TTLL3: variants seen among roughly 807,000 people sequenced by gnomAD.
The protein encoded by TTLL3 is tubulin tyrosine ligase like 3.
Under a neutral mutation model 75.2 loss-of-function variants are expected in TTLL3, and 63 were observed. That is an observed-to-expected ratio of 0.84 (90% CI 0.68 to 1.03). The LOEUF (loss-of-function observed/expected upper bound fraction) is 1.03, where lower values mean the gene tolerates loss of function less well. Among genes scored for constraint, TTLL3 ranks in the 50% least tolerant of loss-of-function variants. TTLL3 has a pLI of 0.00. For synonymous variants in TTLL3, 393 were observed against 418.5 expected (o/e 0.94, Z 0.74); for missense variants, 997 against 1,069.9 (o/e 0.93, Z 0.95).
intron 2 of TTLL3, among the ~76,000 whole-genome samples, chr3:9,812,315 G>A (rs546834447): frequency 6.6e-6 from 1 of 152,282 alleles, no homozygotes; most frequent in East Asian, 1.9e-4. Flanking sequence ...AGGAGTTCAA[G>A]ACCAGCGTGG....
chr3:9,829,710 GACA>G (rs1455208379), intron 11 of TTLL3, among the ~76,000 whole-genome samples: 1 of 152,194 alleles, frequency 6.6e-6, no homozygotes. Flanking sequence ...CCTGTTCAGT[GACA>G]ACAAGCTATG....
chr3:9,834,604 T>C, intron 12 of TTLL3, 77 bp from the exon 13 acceptor site: 1 of 1,587,658 alleles, frequency 6.3e-7, no homozygotes, highest in African/African-American at 1.3e-5. Flanking sequence ...CCCCCCATCC[T>C]CCACACGTAC....
At chr3:9,817,070 C>T (rs542281810) in intron 5 of TTLL3, among the ~76,000 whole-genome samples, 1 of 152,280 alleles carries the variant, frequency 6.6e-6, no homozygotes, top group South Asian at 2.1e-4. Context: ...ACTTCAGCCT[C>T]CCAGAGTGCT....
chr3:9,812,572 T>C (rs1487652022), intron 2 of TTLL3, among the ~76,000 whole-genome samples: 1 of 151,984 alleles, frequency 6.6e-6, no homozygotes, highest in African/African-American at 2.4e-5. Context: ...TCAAGGAGAC[T>C]GAGGCAAGAG....
Position 9,813,002 on chromosome 3 carries a change from G to C in TTLL3, c.108G>C (p.Arg36=), listed in dbSNP as rs1309499781. ...CGGTGATCCGGTGTCTCTTGCGCCG[G>C]AGGGGCTGGGTGGAGAAGAAGATGG... ...CYPVIRCLLR[R]RGWVEKKMVH... Residue 36 remains arginine (R), a synonymous_variant, in exon 3 of 14, where the codon CGG becomes CGC. Transcript: ENST00000685419. The C allele has an allele frequency of 1.3e-6, 2 of 1,565,696 alleles. No homozygotes were observed. Among genetic ancestry groups the C allele is most frequent in the Non-Finnish European group, 1.7e-6 (2 of 1,154,694 alleles).
At chr3:9,827,578 A>G in intron 10 of TTLL3, 1 of 273,648 alleles carries the variant, frequency 3.7e-6, no homozygotes. Flanking sequence ...AAGTTTTTTA[A>G]TGTAGACATG....
rs1476136125 is a variant in TTLL3, at chr3:9,833,182, T to G, written c.1762T>G (p.Cys588Gly). Residue 588 changes from cysteine (C) to glycine (G), a missense_variant, in exon 12 of 14, where the codon TGT becomes GGT. Transcript: ENST00000685419. Reference sequence around the variant, plus strand: ...CACCATCAAGAAGCCCATGGCGATGTGTCATCGGCGGATGGGGGTCCGCCC... The same window carrying G: ...CACCATCAAGAAGCCCATGGCGATGGGTCATCGGCGGATGGGGGTCCGCCC... Reference protein sequence around the residue: ...GFTIKKPMAMCHRRMGVRPAV... With the variant: ...GFTIKKPMAMGHRRMGVRPAV... 1 of 1,614,074 alleles carries G rather than the reference T, an allele frequency of 6.2e-7. No individual in the cohort carries two copies. The highest frequency in any genetic ancestry group is 8.5e-7 in the Non-Finnish European group (1 of 1,179,964).
At chr3:9,813,678 G>C (rs1419933262) in intron 4 of TTLL3, among the ~76,000 whole-genome samples, 1 of 152,052 alleles carries the variant, frequency 6.6e-6, no homozygotes, top group Non-Finnish European at 1.5e-5. Flanking sequence ...CCAGCTACTC[G>C]GGAGGCTAAG....
chr3:9,835,764 T>G lies in TTLL3; in HGVS notation c.*275T>G. The G allele has an allele frequency of 4.7e-6, 2 of 427,794 alleles. No homozygotes were observed. 26.5% of individuals were successfully genotyped at this position (427,794 alleles called of 1,614,324 possible). On this transcript the variant is annotated 3_prime_UTR_variant, in exon 14 of 14. Coordinates refer to ENST00000685419, the MANE Select transcript of TTLL3 (RefSeq NM_001387446.1). Reference sequence around the variant, plus strand: ...CAAGCCAAGCTAGCAGAATGACACCTACCGGGCATAGGAACGTTAATGCCA... The same window carrying G: ...CAAGCCAAGCTAGCAGAATGACACCGACCGGGCATAGGAACGTTAATGCCA...
Position 9,835,600 on chromosome 3 carries a change from C to T in TTLL3, c.*111C>T, listed in dbSNP as rs1007857616. ...GCATCTCCGATCCAGGGGTGGGGAG[C>T]GTGAGCCTTCACTTTACAGATGAAG... On this transcript the variant is annotated 3_prime_UTR_variant, in exon 14 of 14. Transcript: ENST00000685419. 1.2e-5 allele frequency: 13 copies of T among 1,081,460 alleles called. No homozygotes were observed. Among genetic ancestry groups the T allele is most frequent in the South Asian group, 1.7e-5 (1 of 60,308 alleles). The allele number at this position is 1,081,460 out of a possible 1,614,324, so 67.0% of individuals were successfully genotyped here.
rs555835302 is a variant in TTLL3 at position 9,824,696 on chromosome 3, A to G, written c.855-1104A>G. 7.4e-5 allele frequency among the ~76,000 whole-genome samples: 11 copies of G among 148,792 alleles called. No individual in the cohort carries two copies. In the South Asian group the frequency reaches 2.1e-3, roughly 29 times the overall value. On this transcript the variant is annotated intron_variant, in intron 8 of 13. Transcript: ENST00000685419. Reference sequence around the variant, plus strand: ...AGTGCTGGGATTACAAGCGTGAGCCACTATGCCCGTCCCAGTTTACTTTTT... The same window carrying G: ...AGTGCTGGGATTACAAGCGTGAGCCGCTATGCCCGTCCCAGTTTACTTTTT...
rs2080170272 is a variant in TTLL3 at position 9,819,083 on chromosome 3, C to T, written c.658+163C>T. The T allele has an allele frequency of 6.5e-6, 6 of 919,544 alleles. No individual in the cohort carries two copies. In the East Asian group the frequency reaches 8.2e-5, roughly 13 times the overall value. 57.0% of individuals were successfully genotyped at this position (919,544 alleles called of 1,614,324 possible). ...ACCCATCTATCCATCCATCCACCAGCCATCCATCCACTCATCCACCCACGT... is the reference window on the plus strand; with the variant it reads ...ACCCATCTATCCATCCATCCACCAGTCATCCATCCACTCATCCACCCACGT... On this transcript the variant is annotated intron_variant, in intron 7 of 13. Coordinates refer to ENST00000685419, the MANE Select transcript of TTLL3 (RefSeq NM_001387446.1).
intron 12 of TTLL3, chr3:9,834,284 C>A: frequency 2.3e-6 from 1 of 442,076 alleles, no homozygotes; most frequent in Non-Finnish European, 4.5e-6. Flanking sequence ...AGTATTCTGC[C>A]TTTGCCTTCA....
chr3:9,825,915 A>C lies in TTLL3; in HGVS notation c.970A>C (p.Ile324Leu), dbSNP rs749803229. Residue 324 changes from isoleucine to leucine, a missense_variant, in exon 9 of 14, where the codon ATC (isoleucine) becomes CTC (leucine). Transcript: ENST00000685419. ...CATGGAAGGGGATCGCAACATCTGG[A>C]TCGTGAAGCCAGGAGCCAAGTCCCG... ...IDMEGDRNIW[I>L]VKPGAKSRGR... 1 of 1,614,048 alleles carries C rather than the reference A, an allele frequency of 6.2e-7. No individual in the cohort carries two copies. The highest frequency in any genetic ancestry group is 1.1e-5 in the South Asian group (1 of 91,076).
chr3:9,820,321 C>T (rs1337719962), intron 7 of TTLL3: 3 of 1,387,056 alleles, frequency 2.2e-6, no homozygotes, highest in Middle Eastern at 2.7e-4. Context: ...GGCAGAGCCT[C>T]GAGTGACAGG....
chr3:9,835,107 T>A lies in TTLL3; in HGVS notation c.2066T>A (p.Leu689Gln), dbSNP rs745321966. ...TTTCACACCGAGGCTCCTGCTCTCC[T>A]GTGCCTCCGAGGCCCCCAGCTGGAA... ...ILKPRKAPAL[L>Q]CLRGPQLEVP... Residue 689 changes from leucine (L) to glutamine (Q), a missense_variant, in exon 14 of 14, where the codon CTG becomes CAG. By Grantham distance (113) the Leu-to-Gln change is moderately radical. Coordinates refer to ENST00000685419, the MANE Select transcript of TTLL3 (RefSeq NM_001387446.1). The A allele has an allele frequency of 1.2e-6, 2 of 1,610,682 alleles. No individual in the cohort carries two copies.
intron 7 of TTLL3, chr3:9,819,369 T>C (rs3806666): frequency 0.87 from 285,038 of 326,502 alleles, 124,790 homozygotes; most frequent in Non-Finnish European, 0.89. Flanking sequence ...TCCCAGGTAC[T>C]TAGACACTTG....
In TTLL3 at chr3:9,835,610, C is replaced by CACTTTACAGATGAAGAA. The variant is rs2081981946; in HGVS notation, c.*125_*141dup. On this transcript the variant is annotated 3_prime_UTR_variant, in exon 14 of 14. Coordinates refer to ENST00000685419, the MANE Select transcript of TTLL3 (RefSeq NM_001387446.1). ...TCCAGGGGTGGGGAGCGTGAGCCTT[C>CACTTTACAGATGAAGAA]ACTTTACAGATGAAGAAACTGAGTC... is the stretch of plus-strand genomic sequence containing the variant. The CACTTTACAGATGAAGAA allele has an allele frequency of 1.0e-6, 1 of 997,738 alleles. No homozygotes were observed. Among genetic ancestry groups the CACTTTACAGATGAAGAA allele is most frequent in the African/African-American group, 1.6e-5 (1 of 61,780 alleles). The allele number at this position is 997,738 out of a possible 1,614,324, so 61.8% of individuals were successfully genotyped here.
chr3:9,835,114 C>T lies in TTLL3; in HGVS notation c.2073C>T (p.Leu691=). The change falls in exon 14 of 14, where the codon CTC becomes CTT. Residue 691 remains leucine (L), a synonymous_variant. Transcript: ENST00000685419. Reference sequence around the variant, plus strand: ...CCGAGGCTCCTGCTCTCCTGTGCCTCCGAGGCCCCCAGCTGGAAGTGCCTT... The same window carrying T: ...CCGAGGCTCCTGCTCTCCTGTGCCTTCGAGGCCCCCAGCTGGAAGTGCCTT... The part of the protein sequence containing the change: ...KPRKAPALLC[L]RGPQLEVPCC... The T allele has an allele frequency of 6.2e-7, 1 of 1,611,668 alleles. No individual in the cohort carries two copies. Among genetic ancestry groups the T allele is most frequent in the Non-Finnish European group, 8.5e-7 (1 of 1,178,458 alleles).
Sources: allele counts gnomAD v4.1 joint callset (sites outside exome capture counted in the v4.1 genomes callset), GRCh38; gene constraint gnomAD v4.1.1; transcripts MANE v1.5; gene names NCBI Gene and HGNC (gene_info 2026-07-23, HGNC 2026-07-21).